Variants in TFDP1 observed in about 807,000 individuals in gnomAD.
The protein encoded by TFDP1 is transcription factor Dp-1.
TFDP1 carries 6 observed loss-of-function variants against 48.0 expected under a neutral mutation model. The observed-to-expected ratio is 0.13, with a 90% CI of 0.07 to 0.25. The LOEUF (loss-of-function observed/expected upper bound fraction) is 0.25, where lower values mean the gene tolerates loss of function less well. Among genes scored for constraint, TFDP1 ranks in the 10% least tolerant of loss-of-function variants. The probability of loss-of-function intolerance (pLI) is 1.00; values close to 1 mark genes in which losing one functional copy is unlikely to be tolerated. For synonymous variants in TFDP1, 201 were observed against 211.6 expected (o/e 0.95, Z 0.44); for missense variants, 335 against 543.0 (o/e 0.62, Z 3.81).
intron 4 of TFDP1, among the ~76,000 whole-genome samples, chr13:113,628,221 G>A (rs552895293): frequency 6.4e-4 from 93 of 146,238 alleles, no homozygotes; most frequent in African/African-American, 2.5e-3. Context: ...GTCTGGAGCC[G>A]TGTAAAGACT....
intron 2 of TFDP1, among the ~76,000 whole-genome samples, chr13:113,588,105 C>T (rs2048049966): frequency 6.6e-6 from 1 of 152,214 alleles, no homozygotes; most frequent in Non-Finnish European, 1.5e-5. Context: ...CCACCTCGGC[C>T]TCCCAAAGTG....
intron 2 of TFDP1, among the ~76,000 whole-genome samples, chr13:113,592,910 G>A (rs2048180167): frequency 6.6e-6 from 1 of 151,966 alleles, no homozygotes; most frequent in South Asian, 2.1e-4. Context: ...GGTGACAGGT[G>A]TGCTGTGTGC....
In TFDP1 at chr13:113,598,596, A is replaced by AC. The variant is rs2048339004; in HGVS notation, c.13-12398dup. 6.6e-6 allele frequency among the ~76,000 whole-genome samples: 1 copy of AC among 151,952 alleles called. No individual in the cohort carries two copies. The highest frequency in any genetic ancestry group is 2.1e-4 in the South Asian group (1 of 4,822). Reference sequence around the variant, plus strand: ...TGTGACTCCCATTGTGTATGAACTTACCTCCTCGCTCTTCAGCTTCCCCTG... The same window carrying AC: ...TGTGACTCCCATTGTGTATGAACTTACCCTCCTCGCTCTTCAGCTTCCCCTG... On this transcript the variant is annotated intron_variant, in intron 2 of 11. Transcript: ENST00000375370. The surrounding 1 kb of genome is among the most constrained non-coding windows in gnomAD (Gnocchi z 4.2).
intron 2 of TFDP1, 67 bp downstream of exon 2, chr13:113,585,916 C>T: frequency 6.5e-7 from 1 of 1,538,540 alleles, no homozygotes; most frequent in South Asian, 1.2e-5. Flanking sequence ...TAGTTCTCTG[C>T]CTTTATTTCA....
chr13:113,591,483 T>G (rs967329754), intron 2 of TFDP1, among the ~76,000 whole-genome samples: 2 of 152,214 alleles, frequency 1.3e-5, no homozygotes, highest in Non-Finnish European at 2.9e-5. Flanking sequence ...CTCTTTACTT[T>G]TGGTATTTGG....
At chr13:113,622,227 G>A (rs2049012208) in intron 3 of TFDP1, among the ~76,000 whole-genome samples, 1 of 152,202 alleles carries the variant, frequency 6.6e-6, no homozygotes, top group Non-Finnish European at 1.5e-5. Flanking sequence ...CGACTTGGTG[G>A]TAGTGGTCCC....
intron 2 of TFDP1, among the ~76,000 whole-genome samples, chr13:113,595,926 C>CA (rs1361432364): frequency 6.6e-6 from 1 of 152,174 alleles, no homozygotes; most frequent in Admixed American, 6.5e-5. Flanking sequence ...ACTAAAAATA[C>CA]AAAAAGTTAG....
At chr13:113,586,437 A>G (rs926168388) in intron 2 of TFDP1, among the ~76,000 whole-genome samples, 3 of 152,210 alleles carry the variant, frequency 2.0e-5, no homozygotes, top group Non-Finnish European at 4.4e-5. Flanking sequence ...ACTATAGAAT[A>G]TTTTGAAAAT....
At chr13:113,620,273 G>T (rs148883038) in intron 3 of TFDP1, among the ~76,000 whole-genome samples, 1 of 152,252 alleles carries the variant, frequency 6.6e-6, no homozygotes, top group African/African-American at 2.4e-5. Flanking sequence ...CCCTGATGGG[G>T]CAGGAAAGGG....
At chr13:113,634,849 CTG>C (rs1001459455) in intron 8 of TFDP1, among the ~76,000 whole-genome samples, 2 of 148,912 alleles carry the variant, frequency 1.3e-5, no homozygotes, top group African/African-American at 5.0e-5. Context: ...GTGCATGTGC[CTG>C]TGTGCGTGCG....
At chr13:113,605,964 AGG>A (rs2048556982) in intron 2 of TFDP1, among the ~76,000 whole-genome samples, 1 of 145,826 alleles carries the variant, frequency 6.9e-6, no homozygotes, top group African/African-American at 2.6e-5. Context: ...GAGTGTCCGC[AGG>A]GGATCCTGTG....
intron 2 of TFDP1, among the ~76,000 whole-genome samples, chr13:113,594,820 G>A (rs1372739221): frequency 6.6e-6 from 1 of 152,240 alleles, no homozygotes; most frequent in Admixed American, 6.5e-5. Context: ...AAAAGTTCAA[G>A]TAATATTTCT....
intron 2 of TFDP1, among the ~76,000 whole-genome samples, chr13:113,608,452 C>T (rs2048623421): frequency 6.6e-6 from 1 of 152,190 alleles, no homozygotes; most frequent in Non-Finnish European, 1.5e-5. Flanking sequence ...CAGTCATCCT[C>T]CACAGCTGGG....
At chr13:113,626,217 C>T (rs146903948) in intron 4 of TFDP1, among the ~76,000 whole-genome samples, 53 of 152,282 alleles carry the variant, frequency 3.5e-4, no homozygotes, top group African/African-American at 1.2e-3. Flanking sequence ...CTGTGGAGAG[C>T]TCTCTGTACT....
chr13:113,591,094 T>C (rs2140276463), intron 2 of TFDP1, among the ~76,000 whole-genome samples: 1 of 151,226 alleles, frequency 6.6e-6, no homozygotes, highest in Non-Finnish European at 1.5e-5. Context: ...CTCATGCCTG[T>C]AATCCCGGAG....
chr13:113,593,871 C>T (rs1333757771), intron 2 of TFDP1, among the ~76,000 whole-genome samples: 2 of 137,494 alleles, frequency 1.5e-5, no homozygotes, highest in Non-Finnish European at 3.1e-5. Context: ...GTGCTGTGTG[C>T]TGATCCTCAG....
At chr13:113,595,298 C>T (rs2048260015) in intron 2 of TFDP1, among the ~76,000 whole-genome samples, 1 of 152,214 alleles carries the variant, frequency 6.6e-6, no homozygotes, top group South Asian at 2.1e-4. Flanking sequence ...AAGCCACGCC[C>T]ACCATACTGG....
At chr13:113,611,402 G>A (rs534430262) in intron 3 of TFDP1, among the ~76,000 whole-genome samples, 2 of 152,384 alleles carry the variant, frequency 1.3e-5, no homozygotes, top group South Asian at 4.1e-4. Context: ...GGCTCTTCCA[G>A]AGGCCGGCCT....
intron 2 of TFDP1, among the ~76,000 whole-genome samples, chr13:113,586,447 T>A (rs942962127): frequency 6.6e-6 from 1 of 152,220 alleles, no homozygotes; most frequent in Non-Finnish European, 1.5e-5. Context: ...ATTTTGAAAA[T>A]TTTTTAAAGC....
Sources: gnomAD v4.1 joint callset for allele counts (sites outside exome capture counted in the v4.1 genomes callset) on GRCh38, gnomAD v4.1.1 for gene constraint, Gnocchi (gnomAD v3.1) non-coding constraint, MANE v1.5 for transcripts, NCBI Gene and HGNC (gene_info 2026-07-23, HGNC 2026-07-21) for gene names.